The following ZNF236 variants were observed in gnomAD, a reference collection of about 807,000 sequenced individuals.
ZNF236 encodes the protein zinc finger protein 236, also known as regulated by glucose.
In ZNF236, 50 loss-of-function variants were observed where a neutral mutation model predicts 191.2. The observed-to-expected ratio is 0.26, with a 90% CI of 0.21 to 0.33. ZNF236 has a LOEUF of 0.33. Ranked by LOEUF, ZNF236 falls within the 10% of genes least tolerant of loss-of-function variation. ZNF236 has a pLI of 1.00. For missense variants in ZNF236, 1,754 were observed against 2,374.5 expected, an observed-to-expected ratio of 0.74 and a Z score of 5.43; for synonymous variants, 907 against 928.8, an observed-to-expected ratio of 0.98 and a Z score of 0.43.
At chr18:76,963,804 G>C (rs1269020249) in intron 30 of ZNF236, among the ~76,000 whole-genome samples, 2 of 152,090 alleles carry the variant, frequency 1.3e-5, no homozygotes, top group African/African-American at 4.8e-5. Flanking sequence ...AAGCTAGGAG[G>C]GTTGTATCTT....
Position 76,919,988 on chromosome 18 carries a change from G to A in ZNF236, c.3487G>A (p.Asp1163Asn), listed in dbSNP as rs757397353. Residue 1163 changes from aspartate to asparagine, a missense_variant, in exon 20 of 31, where the codon GAC becomes AAC. Coordinates refer to ENST00000320610, the MANE Select transcript of ZNF236 (RefSeq NM_001306089.2). The surrounding 1 kb of genome is among the most constrained non-coding windows in gnomAD (Gnocchi z 5.3). ...ELRDKQAELQDEPKHANCCTY... is the reference protein window; with the variant it reads ...ELRDKQAELQNEPKHANCCTY... Reference sequence around the variant, plus strand: ...GAGGGACAAGCAGGCGGAGCTGCAGGACGAGCCCAAGCACGCCAACTGCTG... The same window carrying A: ...GAGGGACAAGCAGGCGGAGCTGCAGAACGAGCCCAAGCACGCCAACTGCTG... 4 of 1,613,638 alleles carry A rather than the reference G, an allele frequency of 2.5e-6. No individual in the cohort carries two copies. The African/African-American group carries it at 5.3e-5, about 22-fold the overall frequency.
chr18:76,831,079 T>A (rs1208746492), intron 1 of ZNF236, among the ~76,000 whole-genome samples: 1 of 152,220 alleles, frequency 6.6e-6, no homozygotes, highest in Non-Finnish European at 1.5e-5. Context: ...GTTGATACAT[T>A]GTTATTAACT....
chr18:76,927,240 T>C lies in ZNF236; in HGVS notation c.4174-37T>C. On this transcript the variant is annotated intron_variant, in intron 23 of 30. Coordinates refer to ENST00000320610, the MANE Select transcript of ZNF236 (RefSeq NM_001306089.2). This position sits in a 1 kb window ranked among gnomAD's most constrained non-coding sequence, Gnocchi z 5.4. The stretch of plus-strand genomic sequence containing the variant: ...ATTCTCTTGGCATCACAGAGAAGCA[T>C]GAAGTTTTCATTACAAGTACCTGTG... The C allele has an allele frequency of 6.2e-7, 1 of 1,612,310 alleles. No homozygotes were observed. Among genetic ancestry groups the C allele is most frequent in the Non-Finnish European group, 8.5e-7 (1 of 1,178,448 alleles).
chr18:76,959,776 C>G lies in ZNF236; in HGVS notation c.5202C>G (p.Ala1734=). Residue 1734 remains alanine, a synonymous_variant, in exon 29 of 31, where the codon GCC becomes GCG. Transcript: ENST00000320610. Reference sequence around the variant, plus strand: ...GTGACACTTGTGAGAAGGCATTTGCCAAACCAAGCCAGCTGGAGCGCCACA... The same window carrying G: ...GTGACACTTGTGAGAAGGCATTTGCGAAACCAAGCCAGCTGGAGCGCCACA... The part of the protein sequence containing the change: ...FKCDTCEKAF[A]KPSQLERHSR... 4 of 1,614,112 alleles carry G rather than the reference C, an allele frequency of 2.5e-6. No individual in the cohort carries two copies. The highest frequency in any genetic ancestry group is 2.5e-6 in the Non-Finnish European group (3 of 1,180,008).
intron 9 of ZNF236, among the ~76,000 whole-genome samples, chr18:76,883,403 A>G (rs1015138308): frequency 1.9e-4 from 23 of 119,426 alleles, no homozygotes; most frequent in African/African-American, 6.4e-4. Context: ...CCTCTCTAAT[A>G]TGGTGATGAG....
chr18:76,943,392 G>A (rs1382399547), intron 26 of ZNF236, among the ~76,000 whole-genome samples: 1 of 152,120 alleles, frequency 6.6e-6, no homozygotes, highest in Non-Finnish European at 1.5e-5. Context: ...CTTGCCCACT[G>A]AAGTCTGACA....
At position 76,880,427 on chromosome 18, in the gene ZNF236, A is replaced by C; in HGVS notation, c.1188+111A>C. On this transcript the variant is annotated intron_variant, in intron 8 of 30. Coordinates refer to ENST00000320610, the MANE Select transcript of ZNF236 (RefSeq NM_001306089.2). This position sits in a 1 kb window ranked among gnomAD's most constrained non-coding sequence, Gnocchi z 5.0. The stretch of plus-strand genomic sequence containing the variant: ...GGCTTGTCAAAGTCAGGGTATCCTC[A>C]TGAAAAATGTGCCTGAACCGAAAGA... The C allele has an allele frequency of 8.5e-7, 1 of 1,169,794 alleles. No homozygotes were observed. The highest frequency in any genetic ancestry group is 1.8e-5 in the South Asian group (1 of 55,884). The allele number at this position is 1,169,794 out of a possible 1,614,324, so 72.5% of individuals were successfully genotyped here.
intron 30 of ZNF236, among the ~76,000 whole-genome samples, chr18:76,961,728 AT>A (rs57057667): frequency 0.94 from 141,413 of 150,924 alleles, 66,876 homozygotes; most frequent in East Asian, 1. Flanking sequence ...AGCATGTACT[AT>A]TTTTTTTTTT....
intron 21 of ZNF236, among the ~76,000 whole-genome samples, chr18:76,924,563 C>T (rs577059188): frequency 4.1e-4 from 63 of 152,186 alleles, no homozygotes; most frequent in Non-Finnish European, 6.8e-4. Flanking sequence ...GGAAGTTTTT[C>T]AGCTCCCAGA....
intron 25 of ZNF236, among the ~76,000 whole-genome samples, chr18:76,933,803 T>G (rs1389609330): frequency 5.9e-5 from 9 of 152,152 alleles, no homozygotes; most frequent in Admixed American, 4.6e-4. Flanking sequence ...TAAGCAGATG[T>G]TTTTAGAGTG....
intron 1 of ZNF236, among the ~76,000 whole-genome samples, chr18:76,822,958 C>G (rs1974902351): frequency 6.7e-6 from 1 of 148,384 alleles, no homozygotes; most frequent in Non-Finnish European, 1.5e-5. Context: ...CTCCTGCGCG[C>G]GCCCTGCCCC....
chr18:76,951,571 C>T (rs955833701), intron 27 of ZNF236, among the ~76,000 whole-genome samples: 5 of 152,196 alleles, frequency 3.3e-5, no homozygotes, highest in African/African-American at 4.8e-5. Context: ...TTGGCTTAAG[C>T]GAGGATTGTG....
intron 9 of ZNF236, among the ~76,000 whole-genome samples, chr18:76,882,593 G>C (rs1248632882): frequency 6.6e-6 from 1 of 152,192 alleles, no homozygotes; most frequent in Non-Finnish European, 1.5e-5. Context: ...GTGCATTCTT[G>C]CTACAAAGCA....
chr18:76,930,860 G>A (rs1477408491), intron 25 of ZNF236, among the ~76,000 whole-genome samples: 1 of 152,098 alleles, frequency 6.6e-6, no homozygotes, highest in East Asian at 1.9e-4. Flanking sequence ...CTCATAAGAA[G>A]TATTTTTAAA....
At chr18:76,834,609 C>T in intron 1 of ZNF236, 1 of 451,488 alleles carries the variant, frequency 2.2e-6, no homozygotes, top group South Asian at 1.9e-5. Context: ...CCTGTATGCA[C>T]AGTTGTGCCA....
rs77973959 is a variant in ZNF236, at chr18:76,894,950, G to A, written c.1418-63G>A. On this transcript the variant is annotated intron_variant, in intron 9 of 30. Coordinates refer to ENST00000320610, the MANE Select transcript of ZNF236 (RefSeq NM_001306089.2). ...CAGCTTTCTGTGGGGACCACAGGGG[G>A]TCCTGGACCTGACCCTAGGCGGGGT... 8.2e-3 allele frequency: 13,032 copies of A among 1,581,246 alleles called. 345 individuals are homozygous for A. In the African/African-American group the frequency reaches 0.086, roughly 10 times the overall value.
Position 76,947,646 on chromosome 18 carries a change from C to T in ZNF236, c.4908C>T (p.Ala1636=). 3.1e-6 allele frequency: 5 copies of T among 1,613,316 alleles called. No homozygotes were observed. The highest frequency in any genetic ancestry group is 4.2e-6 in the Non-Finnish European group (5 of 1,179,608). The change falls in exon 27 of 31, where the codon GCC becomes GCT. Residue 1636 remains alanine, a synonymous_variant. Coordinates refer to ENST00000320610, the MANE Select transcript of ZNF236 (RefSeq NM_001306089.2). The part of the protein sequence containing the change: ...QSASAACEEI[A]YQVAGVSGNL... Reference sequence around the variant, plus strand: ...CGTCTGCTGCTTGTGAAGAAATAGCCTACCAGGTACAGGATATTCCTTCAT... The same window carrying T: ...CGTCTGCTGCTTGTGAAGAAATAGCTTACCAGGTACAGGATATTCCTTCAT...
chr18:76,822,867 T>C (rs1974895203), intron 1 of ZNF236, among the ~76,000 whole-genome samples: 1 of 145,700 alleles, frequency 6.9e-6, no homozygotes, highest in African/African-American at 2.5e-5. Flanking sequence ...GCCCGGCCCC[T>C]CCGCGCGCTG....
Position 76,912,292 on chromosome 18 carries a change from G to A in ZNF236, c.2854G>A (p.Ala952Thr), listed in dbSNP as rs746953366. The A allele has an allele frequency of 3.1e-6, 5 of 1,614,148 alleles. No individual in the cohort carries two copies. The highest frequency in any genetic ancestry group is 2.2e-5 in the South Asian group (2 of 91,080). ...ATCCCAAGAGGAACTGGACCTGCAG[G>A]CACAAGGTTCCCAGTTTCTGGAGGA... The part of the protein sequence containing the change: ...ESSQEELDLQ[A>T]QGSQFLEDNE... The change falls in exon 17 of 31, where the codon GCA (alanine) becomes ACA (threonine). Residue 952 changes from alanine (A) to threonine (T), a missense_variant. Physicochemically the swap from Ala to Thr is moderately conservative, Grantham distance 58. This residue lies in a region of ZNF236 where 641 missense variants were observed against 869.6 expected (regional missense o/e 0.74). Coordinates refer to ENST00000320610, the MANE Select transcript of ZNF236 (RefSeq NM_001306089.2).
Sources: allele counts gnomAD v4.1 joint callset (sites outside exome capture counted in the v4.1 genomes callset), GRCh38; gene constraint gnomAD v4.1.1; regional missense constraint gnomAD v4.1.1; non-coding constraint Gnocchi (gnomAD v3.1); transcripts MANE v1.5; gene names NCBI Gene and HGNC (gene_info 2026-07-23, HGNC 2026-07-21).